Variants in DLGAP4 observed in about 807,000 individuals in gnomAD.
DLGAP4 encodes the protein disks large-associated protein 4.
DLGAP4 carries 18 observed loss-of-function variants against 86.9 expected under a neutral mutation model. That is an observed-to-expected ratio of 0.21 (90% CI 0.14 to 0.31). The LOEUF (loss-of-function observed/expected upper bound fraction) is 0.31. DLGAP4 is among the 10% of genes least tolerant of loss of function. DLGAP4 has a pLI of 1.00. For synonymous variants in DLGAP4, 548 were observed against 574.3 expected (o/e 0.95, Z 0.65); for missense variants, 1,085 against 1,362.6 (o/e 0.80, Z 3.21).
chr20:36,499,765 C>T, intron 9 of DLGAP4, 89 bp downstream of exon 9: 1 of 1,220,834 alleles, frequency 8.2e-7, no homozygotes, highest in East Asian at 3.1e-5. Context: ...CCCACTTCTC[C>T]TTGCTGGATT....
intron 10 of DLGAP4, chr20:36,508,268 T>C (rs2036491017): frequency 6.6e-6 from 1 of 152,154 alleles, no homozygotes; most frequent in Admixed American, 6.5e-5. Flanking sequence ...TTACATCCAC[T>C]GTTAAGCTGC....
intron 3 of DLGAP4, among the ~76,000 whole-genome samples, chr20:36,434,176 T>G (rs184745037): frequency 2.2e-3 from 331 of 147,870 alleles, no homozygotes; most frequent in East Asian, 1.2e-3. Context: ...ATTCCTGACC[T>G]CAGGTGAGCA....
At chr20:36,459,067 G>C (rs994120882) in intron 7 of DLGAP4, among the ~76,000 whole-genome samples, 1 of 152,200 alleles carries the variant, frequency 6.6e-6, no homozygotes, top group Admixed American at 6.5e-5. Context: ...TTCACCCCCC[G>C]GATGGGGAGC....
chr20:36,485,276 G>A (rs182267477), intron 7 of DLGAP4, among the ~76,000 whole-genome samples: 1 of 150,830 alleles, frequency 6.6e-6, no homozygotes, highest in Non-Finnish European at 1.5e-5. Context: ...AGCTACTTGG[G>A]AGACTGAGGT....
chr20:36,395,355 G>C (rs1032299569), intron 2 of DLGAP4, among the ~76,000 whole-genome samples: 10 of 152,176 alleles, frequency 6.6e-5, no homozygotes, highest in Non-Finnish European at 1.3e-4. Context: ...CTTTGCTGCT[G>C]TATCCGAGAG....
rs571715419 is a variant in DLGAP4 at position 36,443,831 on chromosome 20, G to A, written c.1407+1054G>A. Among the ~76,000 whole-genome samples, 7 of 152,232 alleles carry A rather than the reference G, an allele frequency of 4.6e-5. No homozygotes were observed. The East Asian group carries it at 1.2e-3, about 25-fold the overall frequency. ...TATTCGTGGGTAGAGGTTACTAGGT[G>A]CATACTCTCTTGGACTCTATCCTAA... On this transcript the variant is annotated intron_variant, in intron 6 of 12. Transcript: ENST00000339266.
intron 10 of DLGAP4, among the ~76,000 whole-genome samples, chr20:36,511,958 C>T (rs149818376): frequency 9.4e-4 from 143 of 151,598 alleles, no homozygotes; most frequent in African/African-American, 3.4e-3. Context: ...ATCTTGTGTC[C>T]GGCAACCAAG....
intron 2 of DLGAP4, among the ~76,000 whole-genome samples, chr20:36,411,139 G>A (rs1027817851): frequency 1.3e-5 from 2 of 152,136 alleles, no homozygotes; most frequent in African/African-American, 2.4e-5. Context: ...ACAGGCATGC[G>A]CCATCGCACC....
chr20:36,438,772 AAACTTGGTTCACTGTAACCTCC>A (rs1449463036), intron 4 of DLGAP4, among the ~76,000 whole-genome samples: 21 of 147,966 alleles, frequency 1.4e-4, no homozygotes, highest in Admixed American at 8.2e-4. Flanking sequence ...GCAGTGGCAC[AAACTTGGTTCACTGTAACCTCC>A]ACCTCCCGGG....
In DLGAP4 at chr20:36,499,224, T is replaced by C. The variant is rs974667402; in HGVS notation, c.2011-364T>C. ...CTTTCGTCGTCCTTTTTTTTTTTTC[T>C]CTCTGATGCGTGTGAAGGAGAGGAC... On this transcript the variant is annotated intron_variant, in intron 8 of 12. Transcript: ENST00000339266. The C allele has an allele frequency of 4.4e-6, 7 of 1,595,632 alleles. No individual in the cohort carries two copies. The African/African-American group carries it at 6.8e-5, about 16-fold the overall frequency.
At chr20:36,422,587 AG>A (rs2032859422) in intron 2 of DLGAP4, among the ~76,000 whole-genome samples, 1 of 152,206 alleles carries the variant, frequency 6.6e-6, no homozygotes. Flanking sequence ...TGATGCAGTC[AG>A]GTGAGTTTTG....
rs1328863815 is a variant in DLGAP4 at position 36,436,249 on chromosome 20, G to A, written c.1140G>A (p.Glu380=). The A allele has an allele frequency of 2.5e-6, 4 of 1,605,762 alleles. No homozygotes were observed. Among genetic ancestry groups the A allele is most frequent in the Admixed American group, 1.7e-5 (1 of 59,910 alleles). ...IKAMGDEDSD[E]SGGSPKPSPK... The stretch of plus-strand genomic sequence containing the variant: ...CCATGGGCGACGAGGACAGCGACGA[G>A]TCCGGCGGCAGCCCCAAGCCCTCAC... The change falls in exon 4 of 13, where the codon GAG becomes GAA. Residue 380 remains glutamate (E), a synonymous_variant. Coordinates refer to ENST00000339266, the MANE Select transcript of DLGAP4 (RefSeq NM_001365621.2).
At chr20:36,514,216 G>A (rs1046293202) in intron 10 of DLGAP4, among the ~76,000 whole-genome samples, 1 of 152,174 alleles carries the variant, frequency 6.6e-6, no homozygotes, top group African/African-American at 2.4e-5. Context: ...ATCTAGAAAG[G>A]CAGAGGTCAT....
intron 2 of DLGAP4, among the ~76,000 whole-genome samples, chr20:36,415,042 G>A (rs6514068): frequency 0.081 from 12,257 of 152,124 alleles, 662 homozygotes; most frequent in East Asian, 0.23. Context: ...AAGGCAGGTG[G>A]ATCACCTGAG....
intron 2 of DLGAP4, among the ~76,000 whole-genome samples, chr20:36,374,209 C>T (rs2031060259): frequency 6.6e-6 from 1 of 151,972 alleles, no homozygotes; most frequent in Admixed American, 6.6e-5. Context: ...CTGTCCTGGC[C>T]CTCCAAATGA....
At chr20:36,324,788 T>C (rs1297147546) in intron 1 of DLGAP4, among the ~76,000 whole-genome samples, 1 of 152,270 alleles carries the variant, frequency 6.6e-6, no homozygotes, top group Non-Finnish European at 1.5e-5. Flanking sequence ...TCTGTAGTGA[T>C]GTGACCTGTT....
At chr20:36,497,184 T>C in intron 8 of DLGAP4, 118 bp downstream of exon 8, 2 of 1,479,872 alleles carry the variant, frequency 1.4e-6, no homozygotes, top group Admixed American at 2.5e-5. Flanking sequence ...TCTCTCTATT[T>C]TGGGGGATCA....
intron 7 of DLGAP4, among the ~76,000 whole-genome samples, chr20:36,470,081 G>C (rs922508236): frequency 3.9e-5 from 6 of 152,124 alleles, no homozygotes; most frequent in Non-Finnish European, 8.8e-5. Context: ...TTTCCCATGA[G>C]TAGGAACTAA....
At chr20:36,517,754 T>C (rs1163722128) in intron 10 of DLGAP4, among the ~76,000 whole-genome samples, 2 of 152,204 alleles carry the variant, frequency 1.3e-5, no homozygotes, top group Non-Finnish European at 2.9e-5. Context: ...AAATTTATGA[T>C]ATATTATTTT....
Sources: allele counts gnomAD v4.1 joint callset (sites outside exome capture counted in the v4.1 genomes callset), GRCh38; gene constraint gnomAD v4.1.1; transcripts MANE v1.5; gene names NCBI Gene and HGNC (gene_info 2026-07-23, HGNC 2026-07-21).